Variants in PSMD12 observed in about 807,000 individuals in gnomAD.
PSMD12 encodes the protein proteasome 26S subunit, non-ATPase 12, also known as 26S proteasome non-ATPase regulatory subunit 12.
A neutral mutation model predicts 62.9 loss-of-function variants in PSMD12; 8 were observed. The observed-to-expected ratio is 0.13, with a 90% CI of 0.07 to 0.23. The LOEUF (loss-of-function observed/expected upper bound fraction) is 0.23, where lower values mean the gene tolerates loss of function less well. Ranked by LOEUF, PSMD12 falls within the 10% of genes least tolerant of loss-of-function variation. The pLI, the probability that PSMD12 is intolerant of heterozygous loss-of-function variation, is 1.00. For missense variants in PSMD12, 424 were observed against 550.2 expected (o/e 0.77, Z 2.29); for synonymous variants, 173 against 187.4 (o/e 0.92, Z 0.63).
At position 67,338,098 on chromosome 17, in the gene PSMD12, CAT is replaced by C. The variant is rs1026416437; in HGVS notation, c.*2743_*2744del. The C allele has an allele frequency of 6.6e-6, 1 of 152,080 alleles. No individual in the cohort carries two copies. Among genetic ancestry groups the C allele is most frequent in the South Asian group, 2.1e-4 (1 of 4,824 alleles). 9.4% of individuals were successfully genotyped at this position (152,080 alleles called of 1,614,324 possible). Reference sequence around the variant, plus strand: ...TAAAGATGTTTTTCAGATTCAGTAACATATGGAAATTGAGGATAATCATAGAA... The same window carrying C: ...TAAAGATGTTTTTCAGATTCAGTAACATGGAAATTGAGGATAATCATAGAA... On this transcript the variant is annotated 3_prime_UTR_variant, in exon 11 of 11. Transcript: ENST00000356126.
Position 67,353,354 on chromosome 17 carries a change from G to A in PSMD12, c.298-3018C>T, listed in dbSNP as rs188523293. On this transcript the variant is annotated intron_variant, in intron 3 of 10. Transcript: ENST00000356126. The stretch of plus-strand genomic sequence containing the variant: ...TCTTTTGAGACAGTCTCACTCTGTC[G>A]CCCAGGCTAGAGTGCGATCTTGGCT... 1.5e-4 allele frequency among the ~76,000 whole-genome samples: 21 copies of A among 137,016 alleles called. No individual in the cohort carries two copies. In the East Asian group the frequency reaches 2.9e-3, roughly 19 times the overall value. The allele number at this position is 137,016 out of a possible 152,430, so 89.9% of individuals were successfully genotyped here. A position where few individuals can be genotyped will look rare whatever the true frequency, so the allele number is the denominator to read the frequency against.
intron 1 of PSMD12, among the ~76,000 whole-genome samples, chr17:67,361,569 G>A (rs563652791): frequency 5.3e-5 from 8 of 151,976 alleles, no homozygotes; most frequent in Admixed American, 3.3e-4. Flanking sequence ...GTGAAAGAGC[G>A]AAACTCGGTC....
intron 3 of PSMD12, among the ~76,000 whole-genome samples, chr17:67,355,891 G>T (rs1251581769): frequency 6.6e-6 from 1 of 151,810 alleles, no homozygotes; most frequent in African/African-American, 2.4e-5. Context: ...ACTTTGGGAG[G>T]CTGAGGTGGG....
rs374592931 is a variant in PSMD12, at chr17:67,347,366, G to T, written c.630C>A (p.Asn210Lys). 30 of 1,613,878 alleles carry T rather than the reference G, an allele frequency of 1.9e-5. No individual in the cohort carries two copies. Among genetic ancestry groups the T allele is most frequent in the Non-Finnish European group, 2.5e-5 (30 of 1,179,930 alleles). Residue 210 changes from asparagine (N) to lysine (K), a missense_variant, in exon 6 of 11, where the codon AAC becomes AAA. Physicochemically the swap from Asn to Lys is moderately conservative, Grantham distance 94 (BLOSUM62 0). Transcript: ENST00000356126. Reference protein sequence around the residue: ...IRTQIISKKINTKFFQEENTE... With the variant: ...IRTQIISKKIKTKFFQEENTE... ...TATTTTCTTCCTGGAAAAATTTGGTGTTAATTTTCTTGCTGATGATTTGTG... is the reference window on the plus strand; with the variant it reads ...TATTTTCTTCCTGGAAAAATTTGGTTTTAATTTTCTTGCTGATGATTTGTG...
chr17:67,363,430 C>G (rs1329962646), intron 1 of PSMD12, among the ~76,000 whole-genome samples: 1 of 152,172 alleles, frequency 6.6e-6, no homozygotes, highest in Non-Finnish European at 1.5e-5. Flanking sequence ...CAATTTTCAT[C>G]TTCAAATGTC....
At chr17:67,341,833 G>A (rs1037635640) in intron 10 of PSMD12, among the ~76,000 whole-genome samples, 2 of 152,150 alleles carry the variant, frequency 1.3e-5, no homozygotes, top group African/African-American at 4.8e-5. Context: ...GCTGATCAAG[G>A]AACAAACCTT....
chr17:67,349,946 T>C (rs901373492), intron 4 of PSMD12, among the ~76,000 whole-genome samples: 1 of 152,210 alleles, frequency 6.6e-6, no homozygotes, highest in Admixed American at 6.5e-5. Flanking sequence ...ACCCTGACCC[T>C]GTAGAATTTT....
At chr17:67,365,101 T>C (rs951240318) in intron 1 of PSMD12, among the ~76,000 whole-genome samples, 1 of 151,750 alleles carries the variant, frequency 6.6e-6, no homozygotes, top group African/African-American at 2.4e-5. Context: ...GGAGAATCGT[T>C]TGAACCCGGG....
chr17:67,347,716 A>G (rs1306977133), intron 5 of PSMD12, among the ~76,000 whole-genome samples: 5 of 152,274 alleles, frequency 3.3e-5, no homozygotes, highest in Non-Finnish European at 7.4e-5. Flanking sequence ...TCATGTAGTG[A>G]TTTGCATAAC....
At position 67,340,877 on chromosome 17, in the gene PSMD12, A is replaced by G; in HGVS notation, c.1337T>C (p.Ile446Thr). The G allele has an allele frequency of 6.3e-7, 1 of 1,590,218 alleles. No individual in the cohort carries two copies. The highest frequency in any genetic ancestry group is 8.5e-7 in the Non-Finnish European group (1 of 1,172,970). Residue 446 changes from isoleucine (I) to threonine (T), a missense_variant, in exon 11 of 11, where the codon ATA (isoleucine) becomes ACA (threonine). Transcript: ENST00000356126. ...MSLVNKTTHLIAKEEMIHNLQ is the reference protein window; with the variant it reads ...MSLVNKTTHLTAKEEMIHNLQ ...ATTATGTATCATCTCCTCTTTGGCT[A>G]TGAGATGCGTAGTTTTGTTAACCAG...
intron 3 of PSMD12, among the ~76,000 whole-genome samples, chr17:67,351,878 C>T (rs144237084): frequency 4.0e-5 from 6 of 151,222 alleles, no homozygotes; most frequent in African/African-American, 1.5e-4. Flanking sequence ...GCCGGCGGAT[C>T]ACGAGGTCAA....
In PSMD12 at chr17:67,342,182, T is replaced by C. The variant is rs777378843; in HGVS notation, c.1161+4A>G. On this transcript the variant is annotated splice_donor_region_variant and intron_variant, in intron 10 of 10. Coordinates refer to ENST00000356126, the MANE Select transcript of PSMD12 (RefSeq NM_002816.5). The stretch of plus-strand genomic sequence containing the variant: ...CAAATAACTCAAAGTTGATTACTAC[T>C]TACATCAACAGATAGATCCAGAAGC... 93 of 1,551,272 alleles carry C rather than the reference T, an allele frequency of 6.0e-5. No homozygotes were observed. Among genetic ancestry groups the C allele is most frequent in the Non-Finnish European group, 7.6e-5 (85 of 1,125,542 alleles).
At chr17:67,354,950 A>G (rs2042053252) in intron 3 of PSMD12, among the ~76,000 whole-genome samples, 1 of 152,158 alleles carries the variant, frequency 6.6e-6, no homozygotes, top group East Asian at 1.9e-4. Flanking sequence ...AGATGGTGCC[A>G]CTGCACTCCA....
chr17:67,340,705 A>G lies in PSMD12; in HGVS notation c.*138T>C. On this transcript the variant is annotated 3_prime_UTR_variant, in exon 11 of 11. Transcript: ENST00000356126. The stretch of plus-strand genomic sequence containing the variant: ...ATGAACTTGGGGAACTGAAAGGTCA[A>G]AGGGAGTCTCAAACATATTCACTAT... 2 of 612,678 alleles carry G rather than the reference A, an allele frequency of 3.3e-6. No homozygotes were observed. The highest frequency in any genetic ancestry group is 8.6e-5 in the Admixed American group (2 of 23,382). The allele number at this position is 612,678 out of a possible 1,614,324, so 38.0% of individuals were successfully genotyped here.
intron 3 of PSMD12, among the ~76,000 whole-genome samples, chr17:67,352,958 C>T (rs995113603): frequency 1.3e-5 from 2 of 152,166 alleles, no homozygotes; most frequent in African/African-American, 2.4e-5. Context: ...CCATAAAGTG[C>T]CTCCTTTAAA....
At chr17:67,343,730 G>A (rs577754892) in intron 9 of PSMD12, among the ~76,000 whole-genome samples, 73 of 152,102 alleles carry the variant, frequency 4.8e-4, no homozygotes, top group South Asian at 8.3e-4. Flanking sequence ...TTGAGACGGC[G>A]TCTTGCTCTG....
intron 9 of PSMD12, 60 bp downstream of exon 9, chr17:67,344,546 T>C: frequency 6.9e-7 from 1 of 1,442,088 alleles, no homozygotes; most frequent in African/African-American, 1.4e-5. Context: ...AATTTAATTC[T>C]AAAAAGTAAA....
At chr17:67,361,906 A>AAAAAAAAAAAAAG (rs2042132739) in intron 1 of PSMD12, among the ~76,000 whole-genome samples, 1 of 94,434 alleles carries the variant, frequency 1.1e-5, no homozygotes, top group African/African-American at 3.4e-5. Flanking sequence ...AAAAAAAAAA[A>AAAAAAAAAAAAAG]AAAGGAAGGA....
chr17:67,364,528 C>G (rs967880182), intron 1 of PSMD12, among the ~76,000 whole-genome samples: 1 of 152,178 alleles, frequency 6.6e-6, no homozygotes. Context: ...CTAGGTCTTG[C>G]AAACAGTAGA....
Sources: allele counts gnomAD v4.1 joint callset (sites outside exome capture counted in the v4.1 genomes callset), GRCh38; gene constraint gnomAD v4.1.1; transcripts MANE v1.5; gene names NCBI Gene and HGNC (gene_info 2026-07-23, HGNC 2026-07-21).